Variants in CCDC28A observed in about 807,000 individuals in gnomAD.
CCDC28A encodes coiled-coil domain-containing protein 28A.
Under a neutral mutation model 22.1 loss-of-function variants are expected in CCDC28A, and 24 were observed. The ratio of observed to expected loss-of-function variants is 1.09; its 90% confidence interval spans 0.79 to 1.53. The LOEUF is 1.53. CCDC28A is among the 40% of genes most tolerant of loss of function. CCDC28A has a pLI of 0.00. For synonymous variants in CCDC28A, 83 were observed against 74.7 expected (o/e 1.11, Z -0.57); for missense variants, 170 against 210.7 (o/e 0.81, Z 1.20).
intron 1 of CCDC28A, among the ~76,000 whole-genome samples, chr6:138,775,126 A>T (rs1434098156): frequency 6.6e-6 from 1 of 152,178 alleles, no homozygotes; most frequent in African/African-American, 2.4e-5. Context: ...TTTTTAGTAG[A>T]GACGGGGTTT....
rs759222705 is a variant in CCDC28A at position 138,788,389 on chromosome 6, G to A, written c.500+1G>A. ...AGTTAGAAGAATTGAATTCTTCCAT[G>A]TATCCTTTGTCTGCTATCAACAGTG... is the stretch of plus-strand genomic sequence containing the variant. On this transcript the variant is annotated splice_donor_variant, in intron 5 of 5. Transcript: ENST00000617445. LOFTEE classifies it high-confidence loss of function. The A allele has an allele frequency of 7.9e-7, 1 of 1,262,048 alleles. No individual in the cohort carries two copies. The highest frequency in any genetic ancestry group is 1.1e-6 in the Non-Finnish European group (1 of 918,960). The allele number at this position is 1,262,048 out of a possible 1,614,324, so 78.2% of individuals were successfully genotyped here. A position where few individuals can be genotyped will look rare whatever the true frequency, so the allele number is the denominator to read the frequency against.
intron 2 of CCDC28A, 38 bp from the exon 3 acceptor site, chr6:138,779,784 G>C: frequency 6.5e-7 from 1 of 1,534,402 alleles, no homozygotes; most frequent in Non-Finnish European, 8.8e-7. Context: ...GCTTAATCTA[G>C]AATAGCCTAA....
At chr6:138,775,539 T>C (rs923270235) in intron 1 of CCDC28A, among the ~76,000 whole-genome samples, 4 of 152,232 alleles carry the variant, frequency 2.6e-5, no homozygotes, top group Non-Finnish European at 4.4e-5. Flanking sequence ...AGTTTCTGTT[T>C]AGTAGTTGAA....
At chr6:138,789,605 A>T (rs979483258) in intron 5 of CCDC28A, among the ~76,000 whole-genome samples, 1 of 152,114 alleles carries the variant, frequency 6.6e-6, no homozygotes, top group Admixed American at 6.5e-5. Flanking sequence ...CGGGTGGATC[A>T]CTTGAGGTCA....
chr6:138,783,907 C>T (rs374699712), intron 3 of CCDC28A, among the ~76,000 whole-genome samples: 8 of 140,664 alleles, frequency 5.7e-5, no homozygotes, highest in African/African-American at 8.2e-5. Flanking sequence ...GACAGGGTCT[C>T]GCTCTGTTAC....
intron 4 of CCDC28A, among the ~76,000 whole-genome samples, chr6:138,785,829 A>G (rs535602396): frequency 6.6e-6 from 1 of 152,346 alleles, no homozygotes; most frequent in East Asian, 1.9e-4. Flanking sequence ...GCTTCTGTAC[A>G]GATATAATAA....
chr6:138,773,875 A>G lies in CCDC28A; in HGVS notation c.-70A>G. The G allele has an allele frequency of 6.2e-7, 1 of 1,613,796 alleles. No individual in the cohort carries two copies. Among genetic ancestry groups the G allele is most frequent in the South Asian group, 1.1e-5 (1 of 91,062 alleles). ...CTGTCGGGTCTTTGCGGGTTGCGGA[A>G]GGGGGCCCCAATACCCTTCTTCTTC... On this transcript the variant is annotated 5_prime_UTR_variant, in exon 1 of 6. Coordinates refer to ENST00000617445, the MANE Select transcript of CCDC28A (RefSeq NM_015439.3).
In CCDC28A at chr6:138,784,630, G is replaced by C. The variant is rs574424834; in HGVS notation, c.323-597G>C. Among the ~76,000 whole-genome samples, 19 of 151,876 alleles carry C rather than the reference G, an allele frequency of 1.3e-4. No individual in the cohort carries two copies. The South Asian group carries it at 3.7e-3, about 30-fold the overall frequency. On this transcript the variant is annotated intron_variant, in intron 3 of 5. Coordinates refer to ENST00000617445, the MANE Select transcript of CCDC28A (RefSeq NM_015439.3). ...ACTGCCTCAACCTCCCAAAGTGTGG[G>C]GATTATAGGCATGAGCCACCATGCC... is the stretch of plus-strand genomic sequence containing the variant.
chr6:138,783,004 A>G lies in CCDC28A; in HGVS notation c.323-2223A>G, dbSNP rs181295294. Among the ~76,000 whole-genome samples, 238 of 152,296 alleles carry G rather than the reference A, an allele frequency of 1.6e-3. 2 individuals are homozygous for G. The highest frequency in any genetic ancestry group is 5.4e-3 in the African/African-American group (223 of 41,566). ...GCAGAGTCTGTACTTAAACTGAATG[A>G]AAAGATAATACGTTATGTGTATAAA... On this transcript the variant is annotated intron_variant, in intron 3 of 5. Coordinates refer to ENST00000617445, the MANE Select transcript of CCDC28A (RefSeq NM_015439.3).
chr6:138,787,011 C>T (rs1003713288), intron 4 of CCDC28A, among the ~76,000 whole-genome samples: 2 of 152,144 alleles, frequency 1.3e-5, no homozygotes, highest in African/African-American at 2.4e-5. Flanking sequence ...GTGAAAAGAA[C>T]GCCGAATTTG....
At chr6:138,791,629 C>T (rs1362532722) in intron 5 of CCDC28A, among the ~76,000 whole-genome samples, 2 of 152,134 alleles carry the variant, frequency 1.3e-5, no homozygotes, top group African/African-American at 2.4e-5. Context: ...CATGTTCATT[C>T]TCATCATAAT....
At chr6:138,785,527 G>T in intron 4 of CCDC28A, 146 bp downstream of exon 4, 1 of 596,262 alleles carries the variant, frequency 1.7e-6, no homozygotes, top group Non-Finnish European at 2.9e-6. Flanking sequence ...TGCGGAACAC[G>T]TTCACCACCC....
At chr6:138,779,728 G>T in intron 2 of CCDC28A, 94 bp from the exon 3 acceptor site, 3 of 920,668 alleles carry the variant, frequency 3.3e-6, no homozygotes, top group Admixed American at 3.1e-5. Context: ...TTGATTTCTT[G>T]CTTTTAAGGG....
chr6:138,776,721 G>A (rs1774939619), intron 2 of CCDC28A, among the ~76,000 whole-genome samples: 1 of 151,670 alleles, frequency 6.6e-6, no homozygotes, highest in Non-Finnish European at 1.5e-5. Flanking sequence ...GTCTCACTGT[G>A]TTGCCCAGGC....
At chr6:138,775,398 T>A (rs1422982236) in intron 1 of CCDC28A, among the ~76,000 whole-genome samples, 1 of 152,226 alleles carries the variant, frequency 6.6e-6, no homozygotes, top group Non-Finnish European at 1.5e-5. Flanking sequence ...ACTAAATATA[T>A]ATCATAAAAT....
intron 5 of CCDC28A, among the ~76,000 whole-genome samples, chr6:138,788,621 G>T (rs1183263244): frequency 1.5e-5 from 2 of 134,564 alleles, no homozygotes; most frequent in African/African-American, 5.9e-5. Flanking sequence ...AGTGGCCCAG[G>T]CTGGAGTGCA....
intron 3 of CCDC28A, among the ~76,000 whole-genome samples, chr6:138,781,521 A>G (rs1775020706): frequency 6.6e-6 from 1 of 152,248 alleles, no homozygotes; most frequent in Admixed American, 6.5e-5. Flanking sequence ...CCGCACTTCT[A>G]GGTTCCATAA....
chr6:138,775,088 C>T (rs947166822), intron 1 of CCDC28A, among the ~76,000 whole-genome samples: 5 of 152,154 alleles, frequency 3.3e-5, no homozygotes, highest in African/African-American at 1.2e-4. Flanking sequence ...TACAGGCGCC[C>T]GCCACCACTC....
chr6:138,786,640 G>A (rs1156793977), intron 4 of CCDC28A, among the ~76,000 whole-genome samples: 1 of 151,926 alleles, frequency 6.6e-6, no homozygotes, highest in Non-Finnish European at 1.5e-5. Context: ...TTTGAGACAG[G>A]GACTCACTTT....
Sources: allele counts gnomAD v4.1 joint callset (sites outside exome capture counted in the v4.1 genomes callset), GRCh38; gene constraint gnomAD v4.1.1; transcripts MANE v1.5; gene names NCBI Gene and HGNC (gene_info 2026-07-23, HGNC 2026-07-21).